The following LARS1 variants were observed in gnomAD, a reference collection of about 807,000 sequenced individuals.
LARS1 encodes the protein leucyl-tRNA synthetase 1.
In LARS1, 100 loss-of-function variants were observed where a neutral mutation model predicts 162.8. The observed-to-expected ratio is 0.61, with a 90% CI of 0.52 to 0.73. The LOEUF is 0.73. Ranked by LOEUF, LARS1 falls within the 30% of genes least tolerant of loss-of-function variation. LARS1 has a pLI of 0.00. For synonymous variants in LARS1, 457 were observed against 462.8 expected, an observed-to-expected ratio of 0.99 and a Z score of 0.16; for missense variants, 1,258 against 1,408.9, an observed-to-expected ratio of 0.89 and a Z score of 1.71.
Position 146,168,194 on chromosome 5 carries a change from CTCT to C in LARS1, c.363_365del (p.Glu126del). 1 of 1,612,718 alleles carries C rather than the reference CTCT, an allele frequency of 6.2e-7. No individual in the cohort carries two copies. Among genetic ancestry groups the C allele is most frequent in the Non-Finnish European group, 8.5e-7 (1 of 1,178,994 alleles). On this transcript the variant is annotated inframe_deletion, in exon 5 of 32. Coordinates refer to ENST00000394434, the MANE Select transcript of LARS1 (RefSeq NM_020117.11). ...TTTTAACACTGGTTTCTTCCTCTTC[CTCT>C]TCTTCATCTGGAAAATCAGGGGGGC...
chr5:146,123,772 T>A (rs1193029132), intron 29 of LARS1, among the ~76,000 whole-genome samples: 2 of 151,780 alleles, frequency 1.3e-5, no homozygotes, highest in African/African-American at 4.8e-5. Flanking sequence ...AAATTAAGAA[T>A]TGATGAAATA....
intron 15 of LARS1, among the ~76,000 whole-genome samples, chr5:146,149,350 T>C: frequency 6.6e-6 from 1 of 152,202 alleles, no homozygotes; most frequent in East Asian, 1.9e-4. Flanking sequence ...GGATTGTAAC[T>C]ACCAGTATCT....
intron 31 of LARS1, among the ~76,000 whole-genome samples, chr5:146,115,743 A>G (rs1398887346): frequency 6.6e-6 from 1 of 152,206 alleles, no homozygotes; most frequent in East Asian, 1.9e-4. Flanking sequence ...GAAAAACACC[A>G]GAAATGACTA....
At chr5:146,133,506 T>C (rs2126436373) in intron 22 of LARS1, among the ~76,000 whole-genome samples, 1 of 152,272 alleles carries the variant, frequency 6.6e-6, no homozygotes, top group Non-Finnish European at 1.5e-5. Context: ...TGTGTACAAA[T>C]GCATATGAAT....
intron 24 of LARS1, 189 bp from the exon 25 acceptor site, chr5:146,130,347 T>A (rs182471010): frequency 5.0e-6 from 3 of 604,012 alleles, no homozygotes; most frequent in Non-Finnish European, 8.4e-6. Context: ...TATATGGCAG[T>A]TTTATACTAA....
chr5:146,129,051 G>A lies in LARS1; in HGVS notation c.2696C>T (p.Ser899Leu). The A allele has an allele frequency of 6.2e-7, 1 of 1,610,820 alleles. No individual in the cohort carries two copies. Among genetic ancestry groups the A allele is most frequent in the East Asian group, 2.2e-5 (1 of 44,832 alleles). The change falls in exon 26 of 32, where the codon TCA (serine) becomes TTA (leucine). Residue 899 changes from serine (S) to leucine (L), a missense_variant. Physicochemically the swap from Ser to Leu is moderately radical, Grantham distance 145 (BLOSUM62 -2). Coordinates refer to ENST00000394434, the MANE Select transcript of LARS1 (RefSeq NM_020117.11). ...GPVNEVLIHS[S>L]QYLMEVTHDL... The stretch of plus-strand genomic sequence containing the variant: ...ATGTGTTACTTCCATAAGATACTGT[G>A]AGGAGTGTATTAAAACTTCATTAAC...
chr5:146,171,648 T>C (rs985459887), intron 4 of LARS1, among the ~76,000 whole-genome samples: 1 of 152,230 alleles, frequency 6.6e-6, no homozygotes, highest in African/African-American at 2.4e-5. Flanking sequence ...AGTTATTACC[T>C]AACTGTAATA....
intron 22 of LARS1, 135 bp downstream of exon 22, chr5:146,135,466 C>G (rs1752462791): frequency 1.9e-5 from 12 of 632,308 alleles, no homozygotes; most frequent in Middle Eastern, 2.5e-4. Context: ...TGCTCATCCA[C>G]AAAGGAAACA....
intron 29 of LARS1, among the ~76,000 whole-genome samples, chr5:146,123,393 T>C (rs2126383983): frequency 6.6e-6 from 1 of 151,994 alleles, no homozygotes; most frequent in South Asian, 2.1e-4. Context: ...GTCACAGATA[T>C]ATAAAAGCTA....
intron 21 of LARS1, among the ~76,000 whole-genome samples, chr5:146,139,882 A>G (rs1489424693): frequency 6.6e-6 from 1 of 151,588 alleles, no homozygotes; most frequent in African/African-American, 2.4e-5. Context: ...CAAAAAAAAA[A>G]AAAAAAAAAA....
At chr5:146,167,358 A>C (rs1005474532) in intron 5 of LARS1, among the ~76,000 whole-genome samples, 1 of 152,160 alleles carries the variant, frequency 6.6e-6, no homozygotes, top group African/African-American at 2.4e-5. Context: ...GTAAATCTAA[A>C]ATTACTTCAA....
At chr5:146,179,250 C>G (rs1042435411) in intron 1 of LARS1, among the ~76,000 whole-genome samples, 1 of 152,144 alleles carries the variant, frequency 6.6e-6, no homozygotes, top group African/African-American at 2.4e-5. Context: ...AAACCTCCAT[C>G]TCTGGGGTTC....
Position 146,159,342 on chromosome 5 carries a change from T to C in LARS1, c.771+65A>G, listed in dbSNP as rs79267121. On this transcript the variant is annotated intron_variant, in intron 8 of 31. Coordinates refer to ENST00000394434, the MANE Select transcript of LARS1 (RefSeq NM_020117.11). ...CAAAGAAGTTATTTTTAGGTTTCTATTTCTTAAACTCTATAGTCTTATTAA... is the reference window on the plus strand; with the variant it reads ...CAAAGAAGTTATTTTTAGGTTTCTACTTCTTAAACTCTATAGTCTTATTAA... The C allele has an allele frequency of 4.5e-3, 5,979 of 1,314,404 alleles. 23 individuals are homozygous for C. Among genetic ancestry groups the C allele is most frequent in the Non-Finnish European group, 6.0e-3 (5,537 of 924,168 alleles). 81.4% of individuals were successfully genotyped at this position (1,314,404 alleles called of 1,614,324 possible).
chr5:146,143,736 C>T (rs1012110306), intron 18 of LARS1, among the ~76,000 whole-genome samples, 186 bp from the exon 19 acceptor site: 14 of 151,894 alleles, frequency 9.2e-5, no homozygotes, highest in African/African-American at 4.8e-5. Context: ...TGGTGGCTCA[C>T]GCCTATAATC....
chr5:146,182,368 GC>G (rs1272568112), intron 1 of LARS1, 119 bp downstream of exon 1: 1 of 1,305,850 alleles, frequency 7.7e-7, no homozygotes, highest in Non-Finnish European at 1.1e-6. Flanking sequence ...CGAAAGGCAC[GC>G]CTTAAGCGTG....
chr5:146,135,925 G>A (rs1752481295), intron 21 of LARS1, among the ~76,000 whole-genome samples: 1 of 152,184 alleles, frequency 6.6e-6, no homozygotes, highest in Non-Finnish European at 1.5e-5. Context: ...CTGTGATTTA[G>A]CCTATACTGT....
chr5:146,127,972 C>G (rs1443236345), intron 27 of LARS1, among the ~76,000 whole-genome samples: 7 of 152,052 alleles, frequency 4.6e-5, no homozygotes, highest in Admixed American at 1.3e-4. Flanking sequence ...TTTTGTCTCT[C>G]TTTTTAAAGT....
chr5:146,154,706 A>T (rs867333270), intron 10 of LARS1, among the ~76,000 whole-genome samples: 3 of 152,040 alleles, frequency 2.0e-5, no homozygotes, highest in Admixed American at 6.6e-5. Flanking sequence ...TGAACCCGAG[A>T]GGTGGAGGTT....
At chr5:146,117,842 G>A (rs900108414) in intron 31 of LARS1, among the ~76,000 whole-genome samples, 2 of 152,154 alleles carry the variant, frequency 1.3e-5, no homozygotes, top group Non-Finnish European at 2.9e-5. Flanking sequence ...AAAATATTGT[G>A]TGATTCCAAT....
Sources: gnomAD v4.1 joint callset for allele counts (sites outside exome capture counted in the v4.1 genomes callset) on GRCh38, gnomAD v4.1.1 for gene constraint, MANE v1.5 for transcripts, NCBI Gene and HGNC (gene_info 2026-07-23, HGNC 2026-07-21) for gene names.